The following CCDC88A variants were observed in gnomAD, a reference collection of about 807,000 sequenced individuals.
CCDC88A encodes girdin.
Under a neutral mutation model 234.3 loss-of-function variants are expected in CCDC88A, and 54 were observed. The observed-to-expected ratio is 0.23, with a 90% CI of 0.19 to 0.29. CCDC88A has a LOEUF of 0.29. Among genes scored for constraint, CCDC88A ranks in the 10% least tolerant of loss-of-function variants. The pLI, the probability that CCDC88A is intolerant of heterozygous loss-of-function variation, is 1.00. For synonymous variants in CCDC88A, 753 were observed against 737.8 expected (o/e 1.02, Z -0.33); for missense variants, 1,832 against 2,123.4 (o/e 0.86, Z 2.70).
chr2:55,329,622 A>G (rs1333669359), intron 16 of CCDC88A: 1 of 152,238 alleles, frequency 6.6e-6, no homozygotes, highest in Non-Finnish European at 1.5e-5. Context: ...ATGTATGGGA[A>G]TGCTCAGCAT....
intron 23 of CCDC88A, among the ~76,000 whole-genome samples, chr2:55,310,138 T>C (rs1312728172): frequency 2.0e-5 from 3 of 152,206 alleles, no homozygotes; most frequent in Non-Finnish European, 4.4e-5. Flanking sequence ...AGCTTGAATG[T>C]TATAGGCTGA....
At chr2:55,393,266 G>T (rs545558685) in intron 2 of CCDC88A, among the ~76,000 whole-genome samples, 1 of 119,984 alleles carries the variant, frequency 8.3e-6, no homozygotes. Context: ...CAGGAATATA[G>T]AGTTTTGATT....
intron 3 of CCDC88A, among the ~76,000 whole-genome samples, chr2:55,380,229 C>G (rs1674374304): frequency 6.6e-6 from 1 of 151,856 alleles, no homozygotes; most frequent in Admixed American, 6.6e-5. Context: ...GAGCGAGACT[C>G]CATCTCAAAA....
chr2:55,413,847 G>A (rs1325753042), intron 2 of CCDC88A, among the ~76,000 whole-genome samples: 1 of 152,054 alleles, frequency 6.6e-6, no homozygotes, highest in Non-Finnish European at 1.5e-5. Flanking sequence ...AGGTACTTGG[G>A]AGGCTAAGGT....
chr2:55,325,938 TC>T (rs1684205485), intron 17 of CCDC88A, among the ~76,000 whole-genome samples: 1 of 152,228 alleles, frequency 6.6e-6, no homozygotes, highest in Non-Finnish European at 1.5e-5. Context: ...ATATAGCCAA[TC>T]TAGCAATTTT....
chr2:55,345,501 A>T (rs1310630250), intron 10 of CCDC88A: 3 of 152,568 alleles, frequency 2.0e-5, no homozygotes, highest in Non-Finnish European at 4.4e-5. Context: ...GGTTCAAGCG[A>T]TTCTCCTGCC....
intron 7 of CCDC88A, among the ~76,000 whole-genome samples, chr2:55,361,273 T>TA (rs1458027514): frequency 2.0e-5 from 3 of 152,092 alleles, no homozygotes; most frequent in African/African-American, 7.2e-5. Context: ...AGCATAGAGT[T>TA]AAAAAATCTG....
intron 18 of CCDC88A, among the ~76,000 whole-genome samples, chr2:55,322,241 G>A (rs1278595606): frequency 6.6e-6 from 1 of 152,148 alleles, no homozygotes; most frequent in Non-Finnish European, 1.5e-5. Context: ...AATAGTTTAA[G>A]TCAGGAATAA....
At chr2:55,373,037 A>G (rs1453758077) in intron 4 of CCDC88A, among the ~76,000 whole-genome samples, 2 of 152,262 alleles carry the variant, frequency 1.3e-5, no homozygotes, top group African/African-American at 4.8e-5. Flanking sequence ...GTTAAAATAA[A>G]TGTATATAAC....
chr2:55,405,366 TCACTCTCTCAGCA>T (rs1329593641), intron 2 of CCDC88A: 1 of 151,662 alleles, frequency 6.6e-6, no homozygotes, highest in Non-Finnish European at 1.5e-5. Flanking sequence ...CCCACACAAC[TCACTCTCTCAGCA>T]CACTCTCTCT....
At chr2:55,294,396 A>G in intron 31 of CCDC88A, 1 of 930,464 alleles carries the variant, frequency 1.1e-6, no homozygotes, top group South Asian at 5.0e-5. Flanking sequence ...TTCTAAGAAT[A>G]ACACTAAGTT....
At chr2:55,387,154 G>A (rs1392377211) in intron 3 of CCDC88A, among the ~76,000 whole-genome samples, 58 of 127,034 alleles carry the variant, frequency 4.6e-4, no homozygotes, top group Non-Finnish European at 6.9e-4. Context: ...TCCAGCCAGG[G>A]CAACAGATTG....
At chr2:55,302,103 C>T in intron 26 of CCDC88A, 31 bp from the exon 27 acceptor site, 3 of 1,535,476 alleles carry the variant, frequency 2.0e-6, no homozygotes, top group East Asian at 2.3e-5. Flanking sequence ...AATGAATCAG[C>T]ATGGTTAATG....
intron 26 of CCDC88A, chr2:55,302,824 C>A: frequency 7.3e-6 from 2 of 275,800 alleles, no homozygotes; most frequent in East Asian, 6.3e-5. Flanking sequence ...TTAGAAAGCA[C>A]TGGAAATTTA....
At position 55,419,013 on chromosome 2, in the gene CCDC88A, T is replaced by A. The variant is rs772560451; in HGVS notation, c.63+4A>T. On this transcript the variant is annotated splice_donor_region_variant and intron_variant, in intron 1 of 32. Transcript: ENST00000436346. ...AAATATACAATAAAGGACACCCCAC[T>A]TACCCAAGTGACCAAAGGGCTGGTC... 6 of 1,612,124 alleles carry A rather than the reference T, an allele frequency of 3.7e-6. No individual in the cohort carries two copies. In the Admixed American group the frequency reaches 1.0e-4, roughly 27 times the overall value.
chr2:55,379,778 T>C (rs1674283070), intron 3 of CCDC88A, among the ~76,000 whole-genome samples: 1 of 151,704 alleles, frequency 6.6e-6, no homozygotes, highest in Non-Finnish European at 1.5e-5. Context: ...CCAGGCGTGG[T>C]GGTGCATGCC....
chr2:55,353,561 T>C (rs1303462371), intron 8 of CCDC88A, among the ~76,000 whole-genome samples: 1 of 147,102 alleles, frequency 6.8e-6, no homozygotes, highest in African/African-American at 2.5e-5. Flanking sequence ...TTAACTACTT[T>C]AAATAATCAG....
intron 2 of CCDC88A, among the ~76,000 whole-genome samples, chr2:55,416,070 C>T (rs1281888954): frequency 4.6e-5 from 7 of 151,344 alleles, no homozygotes; most frequent in African/African-American, 1.7e-4. Context: ...GAAACCAACC[C>T]CAAAATGACA....
intron 3 of CCDC88A, 25 bp downstream of exon 3, chr2:55,388,753 C>A: frequency 1.1e-6 from 1 of 881,786 alleles, no homozygotes; most frequent in Non-Finnish European, 1.8e-6. Context: ...TATTAAAACC[C>A]CAGATTTTTA....
Sources: allele counts gnomAD v4.1 joint callset (sites outside exome capture counted in the v4.1 genomes callset), GRCh38; gene constraint gnomAD v4.1.1; transcripts MANE v1.5; gene names NCBI Gene and HGNC (gene_info 2026-07-23, HGNC 2026-07-21).